The following PTPRD variants were observed in gnomAD, a reference collection of about 807,000 sequenced individuals.
The protein encoded by PTPRD is receptor-type tyrosine-protein phosphatase delta.
Under a neutral mutation model 214.5 loss-of-function variants are expected in PTPRD, and 34 were observed. The ratio of observed to expected loss-of-function variants is 0.16; its 90% CI spans 0.12 to 0.21. The LOEUF is 0.21. Among genes scored for constraint, PTPRD ranks in the 10% least tolerant of loss-of-function variants. The pLI, the probability that PTPRD is intolerant of heterozygous loss-of-function variation, is 1.00. For missense variants in PTPRD, 2,545 were observed against 2,398.7 expected (o/e 1.06, Z -1.27); for synonymous variants, 1,128 against 845.7 (o/e 1.33, Z -5.79).
At chr9:9,963,619 C>T (rs2094497756) in intron 4 of PTPRD, among the ~76,000 whole-genome samples, 1 of 152,072 alleles carries the variant, frequency 6.6e-6, no homozygotes, top group Admixed American at 6.6e-5. Flanking sequence ...TGCAGTCAAA[C>T]AACAAAATTT....
chr9:9,794,638 T>C (rs992430725), intron 5 of PTPRD, among the ~76,000 whole-genome samples: 1 of 152,140 alleles, frequency 6.6e-6, no homozygotes, highest in African/African-American at 2.4e-5. Context: ...CTATTTCACA[T>C]GTGAGATTTA....
In PTPRD at chr9:10,381,103, A is replaced by T. The variant is rs560656531; in HGVS notation, c.-599-40086T>A. 1.0e-4 allele frequency among the ~76,000 whole-genome samples: 15 copies of T among 149,956 alleles called. No homozygotes were observed. In the South Asian group the frequency reaches 2.3e-3, roughly 23 times the overall value. On this transcript the variant is annotated intron_variant, in intron 2 of 45. Transcript: ENST00000381196. ...ATAAAATAATTAAAATATAAGACCAAAAAAAAAAGACAAAAAGTAACCCAA... is the reference window on the plus strand; with the variant it reads ...ATAAAATAATTAAAATATAAGACCATAAAAAAAAGACAAAAAGTAACCCAA...
At chr9:9,955,307 C>G (rs529470201) in intron 4 of PTPRD, among the ~76,000 whole-genome samples, 42 of 152,272 alleles carry the variant, frequency 2.8e-4, no homozygotes, top group African/African-American at 9.9e-4. Context: ...AAAGGAACCA[C>G]AAGAACATAA....
intron 9 of PTPRD, among the ~76,000 whole-genome samples, chr9:9,300,794 A>G (rs1954970903): frequency 6.6e-6 from 1 of 151,880 alleles, no homozygotes; most frequent in Admixed American, 6.6e-5. Context: ...TATAAGCCAT[A>G]CAATTTATGG....
intron 11 of PTPRD, among the ~76,000 whole-genome samples, chr9:8,867,272 T>C (rs1018164904): frequency 3.9e-5 from 6 of 152,102 alleles, no homozygotes; most frequent in African/African-American, 1.4e-4. Context: ...TGCAAGGAGA[T>C]GAAATGACCC....
At chr9:8,542,594 A>G (rs567605966) in intron 14 of PTPRD, among the ~76,000 whole-genome samples, 1 of 152,330 alleles carries the variant, frequency 6.6e-6, no homozygotes, top group South Asian at 2.1e-4. Flanking sequence ...GGCACTCATG[A>G]AACAGTATGC....
intron 35 of PTPRD, among the ~76,000 whole-genome samples, chr9:8,422,924 G>C (rs578153531): frequency 1.3e-5 from 2 of 152,224 alleles, no homozygotes; most frequent in South Asian, 4.1e-4. Context: ...AAGGGAGGCA[G>C]CATTTCATTG....
At chr9:9,053,356 C>T (rs903805661) in intron 10 of PTPRD, among the ~76,000 whole-genome samples, 1 of 151,626 alleles carries the variant, frequency 6.6e-6, no homozygotes, top group Non-Finnish European at 1.5e-5. Flanking sequence ...CATATGAGTG[C>T]TGAAAAATGC....
intron 11 of PTPRD, among the ~76,000 whole-genome samples, chr9:8,819,634 C>A (rs1397451618): frequency 1.3e-5 from 2 of 152,078 alleles, no homozygotes; most frequent in Non-Finnish European, 2.9e-5. Context: ...GCACTCCAGC[C>A]TGGGCAACAG....
At chr9:10,209,141 A>G (rs903164081) in intron 3 of PTPRD, among the ~76,000 whole-genome samples, 1 of 152,162 alleles carries the variant, frequency 6.6e-6, no homozygotes, top group Non-Finnish European at 1.5e-5. Context: ...ATTGTATTGC[A>G]TACAATATGC....
intron 11 of PTPRD, among the ~76,000 whole-genome samples, chr9:8,830,224 G>A (rs1008805734): frequency 6.6e-6 from 1 of 152,142 alleles, no homozygotes; most frequent in African/African-American, 2.4e-5. Flanking sequence ...GGGAGAGCCT[G>A]AGGTATTAAC....
intron 10 of PTPRD, among the ~76,000 whole-genome samples, chr9:9,112,709 T>G (rs1355586137): frequency 6.6e-6 from 1 of 152,152 alleles, no homozygotes; most frequent in Admixed American, 6.6e-5. Flanking sequence ...ATGTGCAGGC[T>G]TAAAATCACA....
chr9:9,447,794 C>T (rs886886600), intron 8 of PTPRD, among the ~76,000 whole-genome samples: 2 of 152,078 alleles, frequency 1.3e-5, no homozygotes, highest in South Asian at 2.1e-4. Context: ...TATGGAAGAA[C>T]GCTGTTCTAG....
At chr9:9,194,041 TA>T (rs2099936805) in intron 9 of PTPRD, among the ~76,000 whole-genome samples, 1 of 152,148 alleles carries the variant, frequency 6.6e-6, no homozygotes, top group Non-Finnish European at 1.5e-5. Context: ...TTTTCTGTAT[TA>T]AAAATAATCT....
chr9:9,339,106 G>A (rs892767644), intron 9 of PTPRD, among the ~76,000 whole-genome samples: 1 of 152,006 alleles, frequency 6.6e-6, no homozygotes, highest in African/African-American at 2.4e-5. Context: ...CTTCTCCATA[G>A]GCATGAACAA....
At chr9:9,250,157 G>C (rs2131530500) in intron 9 of PTPRD, among the ~76,000 whole-genome samples, 1 of 152,118 alleles carries the variant, frequency 6.6e-6, no homozygotes, top group African/African-American at 2.4e-5. Context: ...TGGCCACAAT[G>C]TTGAGTTGAC....
chr9:9,088,157 C>G (rs987880525), intron 10 of PTPRD, among the ~76,000 whole-genome samples: 3 of 151,378 alleles, frequency 2.0e-5, no homozygotes, highest in Non-Finnish European at 4.4e-5. Flanking sequence ...GCTAGGATTA[C>G]AGGCGTGAGC....
chr9:9,763,186 C>A (rs2821513), intron 6 of PTPRD, among the ~76,000 whole-genome samples: 28,752 of 152,074 alleles, frequency 0.19, 4,297 homozygotes, highest in African/African-American at 0.39. Flanking sequence ...TGGATTCATC[C>A]TACAAAATGT....
At chr9:8,389,452 G>A (rs1285410378) in intron 36 of PTPRD, 45 bp from the exon 37 acceptor site, 3 of 1,497,020 alleles carry the variant, frequency 2.0e-6, no homozygotes, top group Non-Finnish European at 2.7e-6. Context: ...CACATCACAA[G>A]AGGAAACAGC....
Sources: gnomAD v4.1 joint callset for allele counts (sites outside exome capture counted in the v4.1 genomes callset) on GRCh38, gnomAD v4.1.1 for gene constraint, MANE v1.5 for transcripts, NCBI Gene and HGNC (gene_info 2026-07-23, HGNC 2026-07-21) for gene names.